The following TANC1 variants were observed in gnomAD, a reference collection of about 807,000 sequenced individuals.
TANC1 encodes the protein protein TANC1.
Under a neutral mutation model 149.7 loss-of-function variants are expected in TANC1, and 77 were observed. The ratio of observed to expected loss-of-function variants is 0.51; its 90% CI spans 0.43 to 0.62. The LOEUF is 0.62. Among genes scored for constraint, TANC1 ranks in the 20% least tolerant of loss-of-function variants. TANC1 has a pLI of 0.00. For missense variants in TANC1, 1,985 were observed against 2,321.8 expected (o/e 0.85, Z 2.98); for synonymous variants, 854 against 925.0 (o/e 0.92, Z 1.39).
At chr2:159,113,088 C>T (rs2150036873) in intron 4 of TANC1, among the ~76,000 whole-genome samples, 1 of 152,258 alleles carries the variant, frequency 6.6e-6, no homozygotes, top group East Asian at 1.9e-4. Context: ...GCATGTGTCA[C>T]TACGCGTGGC....
intron 26 of TANC1, among the ~76,000 whole-genome samples, chr2:159,229,120 C>A (rs1285348513): frequency 6.6e-6 from 1 of 151,976 alleles, no homozygotes; most frequent in Non-Finnish European, 1.5e-5. Context: ...ATCATTCCTT[C>A]CCACCCCTCC....
chr2:159,061,717 A>T (rs2042245999), intron 2 of TANC1, among the ~76,000 whole-genome samples: 1 of 152,176 alleles, frequency 6.6e-6, no homozygotes, highest in South Asian at 2.1e-4. Flanking sequence ...GAACTTTGCC[A>T]TGGGTGAGGA....
intron 4 of TANC1, among the ~76,000 whole-genome samples, chr2:159,101,311 G>C (rs963670665): frequency 3.9e-5 from 6 of 152,154 alleles, no homozygotes; most frequent in African/African-American, 1.4e-4. Flanking sequence ...AAGACACTCT[G>C]AACAACACAG....
chr2:159,076,479 A>C (rs1187921663), intron 3 of TANC1, among the ~76,000 whole-genome samples: 1 of 152,210 alleles, frequency 6.6e-6, no homozygotes, highest in African/African-American at 2.4e-5. Context: ...GCACAGCCAA[A>C]GATGTCAAAG....
Position 159,132,189 on chromosome 2 carries a change from G to C in TANC1, c.260-4005G>C, listed in dbSNP as rs553024561. 1.1e-4 allele frequency among the ~76,000 whole-genome samples: 16 copies of C among 152,300 alleles called. No individual in the cohort carries two copies. In the South Asian group the frequency reaches 2.5e-3, roughly 24 times the overall value. On this transcript the variant is annotated intron_variant, in intron 4 of 26. Transcript: ENST00000263635. ...CCTCAGTTTCCTGACCTAAAAATGA[G>C]GGAAATTGTACTTTTCTCCCAGAGT...
At chr2:159,061,977 C>G (rs1283812956) in intron 2 of TANC1, among the ~76,000 whole-genome samples, 1 of 152,186 alleles carries the variant, frequency 6.6e-6, no homozygotes, top group Admixed American at 6.5e-5. Flanking sequence ...GTAGTTCACA[C>G]CTGTAATCCC....
intron 3 of TANC1, among the ~76,000 whole-genome samples, chr2:159,080,964 A>G (rs1409228050): frequency 1.3e-5 from 2 of 152,248 alleles, no homozygotes; most frequent in African/African-American, 4.8e-5. Context: ...GTGGCAAGCT[A>G]ATTTTCACAG....
At chr2:159,203,020 G>C (rs1375515000) in intron 19 of TANC1, among the ~76,000 whole-genome samples, 1 of 152,070 alleles carries the variant, frequency 6.6e-6, no homozygotes. Flanking sequence ...GAGCCTGCTT[G>C]TGGGCTTCTG....
Position 159,088,613 on chromosome 2 carries a change from T to G in TANC1, c.62-9024T>G, listed in dbSNP as rs139218553. Among the ~76,000 whole-genome samples, 40 of 152,340 alleles carry G rather than the reference T, an allele frequency of 2.6e-4. 1 individual carries two copies. In the East Asian group the frequency reaches 6.9e-3, roughly 26 times the overall value. On this transcript the variant is annotated intron_variant, in intron 3 of 26. Coordinates refer to ENST00000263635, the MANE Select transcript of TANC1 (RefSeq NM_033394.3). ...TCCAACCCACGGCCTGTGGGTCACA[T>G]GAGGCCCAGGACGGCTTTGAATGCG...
At chr2:159,171,681 AC>A (rs1209141100) in intron 10 of TANC1, among the ~76,000 whole-genome samples, 1 of 151,660 alleles carries the variant, frequency 6.6e-6, no homozygotes, top group East Asian at 1.9e-4. Context: ...ACATGGTAAA[AC>A]CCCGTCTCTA....
chr2:159,219,790 G>A lies in TANC1; in HGVS notation c.3601G>A (p.Gly1201Arg). 1 of 1,614,188 alleles carries A rather than the reference G, an allele frequency of 6.2e-7. No individual in the cohort carries two copies. The change falls in exon 22 of 27, where the codon GGA becomes AGA. Residue 1201 changes from glycine (G) to arginine (R), a missense_variant. By Grantham distance (125) the Gly-to-Arg change is moderately radical. Transcript: ENST00000263635. ...AGTGGTCCAGTATCTGGTTGAAGAA[G>A]GAGCTGCAATAGACCAGACAGACAA... Reference protein sequence around the residue: ...RAVVQYLVEEGAAIDQTDKNG... With the variant: ...RAVVQYLVEERAAIDQTDKNG...
At chr2:159,214,644 G>A (rs545612066) in intron 19 of TANC1, among the ~76,000 whole-genome samples, 7 of 152,316 alleles carry the variant, frequency 4.6e-5, no homozygotes, top group South Asian at 2.1e-4. Flanking sequence ...AAGTTGTTAC[G>A]CCTCTTGGAA....
At chr2:158,986,576 G>A (rs2035024403) in intron 1 of TANC1, among the ~76,000 whole-genome samples, 1 of 152,174 alleles carries the variant, frequency 6.6e-6, no homozygotes, top group South Asian at 2.1e-4. Flanking sequence ...GGCCTGTGGT[G>A]GGTTTTGGGG....
At chr2:159,111,914 G>A (rs1256255898) in intron 4 of TANC1, among the ~76,000 whole-genome samples, 2 of 152,166 alleles carry the variant, frequency 1.3e-5, no homozygotes, top group Non-Finnish European at 1.5e-5. Context: ...AAAAATATAT[G>A]CCCATTGTAC....
At chr2:159,016,764 C>T (rs1024218217) in intron 2 of TANC1, among the ~76,000 whole-genome samples, 1 of 151,762 alleles carries the variant, frequency 6.6e-6, no homozygotes, top group Non-Finnish European at 1.5e-5. Flanking sequence ...TTAGTAGAGA[C>T]AGGGTTTCAC....
chr2:159,177,659 T>C (rs1398007590), intron 13 of TANC1, among the ~76,000 whole-genome samples: 1 of 152,246 alleles, frequency 6.6e-6, no homozygotes, highest in African/African-American at 2.4e-5. Context: ...CCATGTAAAA[T>C]GGGAATAATT....
At position 159,133,927 on chromosome 2, in the gene TANC1, G is replaced by T. The variant is rs1002156808; in HGVS notation, c.260-2267G>T. Among the ~76,000 whole-genome samples the T allele has an allele frequency of 2.6e-5, 4 of 152,222 alleles. No individual in the cohort carries two copies. In the South Asian group the frequency reaches 8.3e-4, roughly 32 times the overall value. ...AAGATGTAGTACACCCATGTAGCTG[G>T]CTAGGAATTGGATTATTTTTATAGT... On this transcript the variant is annotated intron_variant, in intron 4 of 26. Transcript: ENST00000263635.
chr2:159,131,175 A>G (rs1386480055), intron 4 of TANC1, among the ~76,000 whole-genome samples: 2 of 152,038 alleles, frequency 1.3e-5, no homozygotes, highest in Non-Finnish European at 2.9e-5. Flanking sequence ...TCTCTGGCCC[A>G]TCAGTCTGCA....
intron 1 of TANC1, among the ~76,000 whole-genome samples, chr2:158,977,804 A>G (rs866838775): frequency 6.6e-6 from 1 of 151,870 alleles, no homozygotes; most frequent in Non-Finnish European, 1.5e-5. Context: ...TCTGGACCCT[A>G]ACTTGTTTGC....
Sources: allele counts gnomAD v4.1 joint callset (sites outside exome capture counted in the v4.1 genomes callset), GRCh38; gene constraint gnomAD v4.1.1; transcripts MANE v1.5; gene names NCBI Gene and HGNC (gene_info 2026-07-23, HGNC 2026-07-21).